The following ALG8 variants were observed in gnomAD, a reference collection of about 807,000 sequenced individuals.
ALG8 encodes ALG8 alpha-1,3-glucosyltransferase.
In ALG8, 48 loss-of-function variants were observed where a neutral mutation model predicts 70.2. The ratio of observed to expected loss-of-function variants is 0.68; its 90% CI spans 0.54 to 0.87. The LOEUF is 0.87. Among genes scored for constraint, ALG8 ranks in the 40% least tolerant of loss-of-function variants. The pLI is 0.00. For synonymous variants in ALG8, 234 were observed against 229.0 expected (o/e 1.02, Z -0.20); for missense variants, 572 against 608.7 (o/e 0.94, Z 0.64).
chr11:78,101,311 G>A (rs1859786989), intron 12 of ALG8, 116 bp from the exon 13 acceptor site: 16 of 858,712 alleles, frequency 1.9e-5, no homozygotes, highest in Non-Finnish European at 3.0e-5. Flanking sequence ...TTATAGCCAA[G>A]GCCAGAGTCA....
intron 12 of ALG8, 112 bp from the exon 13 acceptor site, chr11:78,101,307 C>A (rs1334192982): frequency 4.7e-5 from 42 of 887,120 alleles, no homozygotes; most frequent in Non-Finnish European, 7.5e-5. Context: ...ATTATTATAG[C>A]CAAGGCCAGA....
chr11:78,122,712 G>A (rs1291997149), intron 3 of ALG8, among the ~76,000 whole-genome samples: 3 of 152,084 alleles, frequency 2.0e-5, no homozygotes, highest in African/African-American at 7.2e-5. Flanking sequence ...CTCCCTTTGT[G>A]CTTGTATACT....
rs542688184 is a variant in ALG8, at chr11:78,111,583, T to C, written c.898+1067A>G. Among the ~76,000 whole-genome samples the C allele has an allele frequency of 2.6e-4, 39 of 152,218 alleles. 1 individual carries two copies. The Middle Eastern group carries it at 0.014, about 53-fold the overall frequency. On this transcript the variant is annotated intron_variant, in intron 8 of 12. Coordinates refer to ENST00000299626, the MANE Select transcript of ALG8 (RefSeq NM_024079.5). Reference sequence around the variant, plus strand: ...TTGCACAGCACTGAAGTATGAATGGTTTTTACTTTTATAAGGTTTTAAACA... The same window carrying C: ...TTGCACAGCACTGAAGTATGAATGGCTTTTACTTTTATAAGGTTTTAAACA...
intron 3 of ALG8, among the ~76,000 whole-genome samples, chr11:78,122,872 CATTCCCAAGGG>C (rs1860884875): frequency 6.6e-6 from 1 of 151,922 alleles, no homozygotes; most frequent in African/African-American, 2.4e-5. Flanking sequence ...GGGTTAAAGA[CATTCCCAAGGG>C]ACTCTTTACT....
intron 12 of ALG8, among the ~76,000 whole-genome samples, chr11:78,101,523 G>A (rs1378592303): frequency 6.6e-6 from 1 of 152,144 alleles, no homozygotes; most frequent in Non-Finnish European, 1.5e-5. Context: ...CAGCTACTTG[G>A]GAGGCTGAGG....
chr11:78,109,849 C>A (rs896096765), intron 8 of ALG8, among the ~76,000 whole-genome samples: 5 of 152,232 alleles, frequency 3.3e-5, no homozygotes, highest in African/African-American at 9.6e-5. Context: ...AAATGGTAAT[C>A]TGCTCTCACC....
At chr11:78,117,590 T>C (rs1293863637) in intron 5 of ALG8, among the ~76,000 whole-genome samples, 1 of 141,360 alleles carries the variant, frequency 7.1e-6, no homozygotes, top group Non-Finnish European at 1.5e-5. Flanking sequence ...CTGGACAACA[T>C]AGTGAAACCT....
Position 78,116,593 on chromosome 11 carries a change from C to T in ALG8, c.547-2201G>A, listed in dbSNP as rs571425956. On this transcript the variant is annotated intron_variant, in intron 5 of 12. Coordinates refer to ENST00000299626, the MANE Select transcript of ALG8 (RefSeq NM_024079.5). ...AATTAGCCGGGAGTGGTGGTGTGCA[C>T]CTGTGGTCCCAGCTAACTGGAGGCT... 5.1e-4 allele frequency among the ~76,000 whole-genome samples: 77 copies of T among 152,086 alleles called. No homozygotes were observed. The Middle Eastern group carries it at 0.017, about 34-fold the overall frequency.
intron 1 of ALG8, among the ~76,000 whole-genome samples, chr11:78,136,681 G>A (rs1861568274): frequency 6.6e-6 from 1 of 152,048 alleles, no homozygotes; most frequent in Admixed American, 6.6e-5. Context: ...AAGTCTTAAG[G>A]GCCATTGGAT....
At chr11:78,102,614 T>C (rs1360170130) in intron 12 of ALG8, among the ~76,000 whole-genome samples, 1 of 152,208 alleles carries the variant, frequency 6.6e-6, no homozygotes, top group Non-Finnish European at 1.5e-5. Flanking sequence ...TAGTTAATTA[T>C]ATAAGTTTTT....
chr11:78,103,159 C>G (rs1268557920), intron 12 of ALG8, among the ~76,000 whole-genome samples: 1 of 151,936 alleles, frequency 6.6e-6, no homozygotes, highest in Non-Finnish European at 1.5e-5. Context: ...AACCCCATCT[C>G]TAATAAAAAT....
intron 1 of ALG8, among the ~76,000 whole-genome samples, chr11:78,127,707 C>CTT (rs1861138948): frequency 7.0e-6 from 1 of 143,320 alleles, no homozygotes; most frequent in Non-Finnish European, 1.5e-5. Context: ...TTCTCTTTTT[C>CTT]TTTTCTTTTT....
intron 5 of ALG8, among the ~76,000 whole-genome samples, chr11:78,116,890 A>G (rs1860595909): frequency 1.3e-5 from 2 of 152,286 alleles, no homozygotes; most frequent in South Asian, 4.1e-4. Context: ...AGTAATAACA[A>G]AAAAGAGTGG....
chr11:78,133,330 C>A (rs1861389211), intron 1 of ALG8: 1 of 152,152 alleles, frequency 6.6e-6, no homozygotes, highest in Non-Finnish European at 1.5e-5. Flanking sequence ...TTGAATATAT[C>A]TGCATTTATC....
intron 1 of ALG8, among the ~76,000 whole-genome samples, chr11:78,128,310 C>A (rs932343114): frequency 6.6e-6 from 1 of 152,182 alleles, no homozygotes; most frequent in Non-Finnish European, 1.5e-5. Flanking sequence ...GACGCATGGA[C>A]AAGCTCAATA....
intron 10 of ALG8, 92 bp downstream of exon 10, chr11:78,106,715 C>G: frequency 6.4e-7 from 1 of 1,557,710 alleles, no homozygotes; most frequent in Non-Finnish European, 8.8e-7. Context: ...TTTGCCTATC[C>G]TGGTGAACAT....
chr11:78,125,879 G>A (rs867500623), intron 2 of ALG8, among the ~76,000 whole-genome samples: 3 of 152,144 alleles, frequency 2.0e-5, no homozygotes, highest in Non-Finnish European at 4.4e-5. Context: ...AAATTTCTGG[G>A]CCGGGCGCAG....
At chr11:78,112,393 T>C in intron 8 of ALG8, 3 of 426,742 alleles carry the variant, frequency 7.0e-6, no homozygotes, top group South Asian at 4.2e-5. Flanking sequence ...ATAGAGTGTC[T>C]ACATATTTTA....
At chr11:78,118,105 T>C (rs1860661489) in intron 5 of ALG8, among the ~76,000 whole-genome samples, 1 of 151,446 alleles carries the variant, frequency 6.6e-6, no homozygotes, top group Non-Finnish European at 1.5e-5. Flanking sequence ...ATACATGGAA[T>C]GTATGTAATC....
Sources: gnomAD v4.1 joint callset for allele counts (sites outside exome capture counted in the v4.1 genomes callset) on GRCh38, gnomAD v4.1.1 for gene constraint, MANE v1.5 for transcripts, NCBI Gene and HGNC (gene_info 2026-07-23, HGNC 2026-07-21) for gene names.